ADGRA3: variants seen among roughly 807,000 people sequenced by gnomAD.
ADGRA3 encodes the protein G-protein coupled receptor 125.
ADGRA3 carries 56 observed loss-of-function variants against 119.8 expected under a neutral mutation model. The observed-to-expected ratio is 0.47, with a 90% confidence interval of 0.38 to 0.58. The LOEUF is 0.58. ADGRA3 is among the 20% of genes least tolerant of loss of function. The pLI is 0.00. For missense variants in ADGRA3, 1,516 were observed against 1,649.0 expected, an observed-to-expected ratio of 0.92 and a Z score of 1.40; for synonymous variants, 607 against 623.8, an observed-to-expected ratio of 0.97 and a Z score of 0.40.
At chr4:22,444,833 A>C in intron 6 of ADGRA3, 140 bp downstream of exon 6, 3 of 826,578 alleles carry the variant, frequency 3.6e-6, no homozygotes, top group Non-Finnish European at 5.6e-6. Context: ...GCATAAACTA[A>C]ATATTATCAA....
At chr4:22,506,980 G>A (rs1218800977) in intron 1 of ADGRA3, among the ~76,000 whole-genome samples, 3 of 152,148 alleles carry the variant, frequency 2.0e-5, no homozygotes, top group Non-Finnish European at 2.9e-5. Context: ...GCTCACAGTT[G>A]TAATCCCAGC....
intron 1 of ADGRA3, among the ~76,000 whole-genome samples, chr4:22,485,792 T>C (rs1337854757): frequency 2.0e-5 from 3 of 152,238 alleles, no homozygotes; most frequent in Admixed American, 6.5e-5. Context: ...TCGCCCACTA[T>C]ATTCTGCCTT....
At chr4:22,463,295 C>T (rs1717537332) in intron 2 of ADGRA3, among the ~76,000 whole-genome samples, 1 of 152,196 alleles carries the variant, frequency 6.6e-6, no homozygotes, top group African/African-American at 2.4e-5. Context: ...GCCAAAGTAA[C>T]CAGTACCTCC....
At position 22,475,264 on chromosome 4, in the gene ADGRA3, A is replaced by G. The variant is rs534782911; in HGVS notation, c.258-1421T>C. Among the ~76,000 whole-genome samples the G allele has an allele frequency of 4.6e-5, 7 of 152,320 alleles. No individual in the cohort carries two copies. In the East Asian group the frequency reaches 1.2e-3, roughly 25 times the overall value. The stretch of plus-strand genomic sequence containing the variant: ...AACAGTAGAAGGAATTAGAAAAACC[A>G]TGACATACTCAATGAGTATCCATTA... On this transcript the variant is annotated intron_variant, in intron 1 of 18. Coordinates refer to ENST00000334304, the MANE Select transcript of ADGRA3 (RefSeq NM_145290.4).
In ADGRA3 at chr4:22,436,553, C is replaced by A; in HGVS notation, c.1174G>T (p.Asp392Tyr). 5 of 1,614,006 alleles carry A rather than the reference C, an allele frequency of 3.1e-6. No homozygotes were observed. Among genetic ancestry groups the A allele is most frequent in the Non-Finnish European group, 4.2e-6 (5 of 1,179,974 alleles). ...GSGIYPGNPQ[D>Y]ERKAWRRCDR... Reference sequence around the variant, plus strand: ...CATCTGCGCCAAGCTTTTCTCTCATCCTGTGGGTTTCCGGGATATATCCCA... The same window carrying A: ...CATCTGCGCCAAGCTTTTCTCTCATACTGTGGGTTTCCGGGATATATCCCA... The change falls in exon 9 of 19, where the codon GAT becomes TAT. Residue 392 changes from aspartate (D) to tyrosine (Y), a missense_variant. By Grantham distance (160) the Asp-to-Tyr change is radical. Around this residue, in one of 2 missense-constraint regions of ADGRA3, gnomAD observed 428 missense variants for 541.9 expected, o/e 0.79. Transcript: ENST00000334304.
rs540289422 is a variant in ADGRA3, at chr4:22,429,143, G to A, written c.1444-4791C>T. ...TAAAAAAAACTGAACAATAAATTTAGTTGTAATTGTGCTAATCTGTAAATA... is the reference window on the plus strand; with the variant it reads ...TAAAAAAAACTGAACAATAAATTTAATTGTAATTGTGCTAATCTGTAAATA... On this transcript the variant is annotated intron_variant, in intron 10 of 18. Transcript: ENST00000334304. Among the ~76,000 whole-genome samples, 6 of 152,174 alleles carry A rather than the reference G, an allele frequency of 3.9e-5. No homozygotes were observed. The East Asian group carries it at 9.7e-4, about 24-fold the overall frequency.
At chr4:22,399,209 G>A (rs1220435359) in intron 16 of ADGRA3, among the ~76,000 whole-genome samples, 7 of 152,124 alleles carry the variant, frequency 4.6e-5, no homozygotes, top group Non-Finnish European at 1.0e-4. Context: ...CTTCTGACTT[G>A]TTGTGATGTT....
intron 10 of ADGRA3, among the ~76,000 whole-genome samples, chr4:22,429,520 C>A (rs375701934): frequency 2.6e-5 from 4 of 152,288 alleles, no homozygotes; most frequent in East Asian, 1.9e-4. Flanking sequence ...AAAAGACCCC[C>A]TGTTACAAAG....
chr4:22,411,032 G>A (rs1454803488), intron 14 of ADGRA3, among the ~76,000 whole-genome samples: 1 of 152,188 alleles, frequency 6.6e-6, no homozygotes, highest in Non-Finnish European at 1.5e-5. Flanking sequence ...GAACAGCTAG[G>A]AAGTTCACAA....
chr4:22,445,231 T>G (rs1716788373), intron 5 of ADGRA3, 98 bp from the exon 6 acceptor site: 1 of 998,064 alleles, frequency 1.0e-6, no homozygotes, highest in Non-Finnish European at 1.5e-6. Flanking sequence ...AGCACAATAC[T>G]GTTCACCCAT....
Position 22,438,368 on chromosome 4 carries a change from G to A in ADGRA3, c.973C>T (p.His325Tyr). The A allele has an allele frequency of 1.2e-6, 2 of 1,613,638 alleles. No homozygotes were observed. Among genetic ancestry groups the A allele is most frequent in the Non-Finnish European group, 1.7e-6 (2 of 1,179,706 alleles). ...TTATTCCCACGTTTGGTCTGGACAT[G>A]ACAGCCCCAATTTCCAGTAGATCCA... is the stretch of plus-strand genomic sequence containing the variant. ...QAGSTGNWGCHVQTKRGNNTR... is the reference protein window; with the variant it reads ...QAGSTGNWGCYVQTKRGNNTR... Residue 325 changes from histidine (H) to tyrosine (Y), a missense_variant, in exon 8 of 19, where the codon CAT becomes TAT. Physicochemically the swap from His to Tyr is moderately conservative, Grantham distance 83. Coordinates refer to ENST00000334304, the MANE Select transcript of ADGRA3 (RefSeq NM_145290.4).
At chr4:22,501,704 T>A (rs1023904093) in intron 1 of ADGRA3, among the ~76,000 whole-genome samples, 1 of 151,908 alleles carries the variant, frequency 6.6e-6, no homozygotes, top group Non-Finnish European at 1.5e-5. Context: ...CCCTCTTATT[T>A]TTTGCTCCAC....
At chr4:22,404,513 A>G (rs1490505795) in intron 14 of ADGRA3, among the ~76,000 whole-genome samples, 1 of 152,204 alleles carries the variant, frequency 6.6e-6, no homozygotes, top group African/African-American at 2.4e-5. Flanking sequence ...CTACTCAACT[A>G]TACTATGATG....
chr4:22,464,005 A>G (rs1193920993), intron 2 of ADGRA3, among the ~76,000 whole-genome samples: 1 of 152,146 alleles, frequency 6.6e-6, no homozygotes, highest in Non-Finnish European at 1.5e-5. Flanking sequence ...TCTAATCCTC[A>G]TTTTAACACA....
chr4:22,445,218 GC>G, intron 5 of ADGRA3, 85 bp from the exon 6 acceptor site: 3 of 1,208,288 alleles, frequency 2.5e-6, no homozygotes, highest in African/African-American at 1.5e-5. Flanking sequence ...ATTTCTGGTG[GC>G]AAGCACAATA....
At chr4:22,431,766 T>C (rs1443176099) in intron 10 of ADGRA3, among the ~76,000 whole-genome samples, 2 of 152,168 alleles carry the variant, frequency 1.3e-5, no homozygotes, top group African/African-American at 4.8e-5. Context: ...ACACAATGGG[T>C]AAATAATTGT....
chr4:22,487,615 C>A (rs541016776), intron 1 of ADGRA3, among the ~76,000 whole-genome samples: 1 of 152,020 alleles, frequency 6.6e-6, no homozygotes, highest in Non-Finnish European at 1.5e-5. Flanking sequence ...AGCAGGATGA[C>A]GGCACACTGC....
Position 22,436,079 on chromosome 4 carries a change from G to A in ADGRA3, c.1287+361C>T, listed in dbSNP as rs574696685. Among the ~76,000 whole-genome samples the A allele has an allele frequency of 5.3e-5, 8 of 152,242 alleles. No homozygotes were observed. In the South Asian group the frequency reaches 1.7e-3, roughly 32 times the overall value. ...GAAGCAAAGATAACAAAAAGCACAT[G>A]AGTAGTTCAAGTATTCTAAGCAATC... On this transcript the variant is annotated intron_variant, in intron 9 of 18. Transcript: ENST00000334304.
chr4:22,415,162 AAACC>A (rs1715379716), intron 12 of ADGRA3, among the ~76,000 whole-genome samples: 1 of 152,092 alleles, frequency 6.6e-6, no homozygotes, highest in African/African-American at 2.4e-5. Context: ...TCACTTTTTG[AAACC>A]TCTATGTTAA....
Sources: gnomAD v4.1 joint callset for allele counts (sites outside exome capture counted in the v4.1 genomes callset) on GRCh38, gnomAD v4.1.1 for gene constraint, gnomAD v4.1.1 regional missense constraint, MANE v1.5 for transcripts, NCBI Gene and HGNC (gene_info 2026-07-23, HGNC 2026-07-21) for gene names.